RANBP17: variants seen among roughly 807,000 people sequenced by gnomAD.
The protein encoded by RANBP17 is ran-binding protein 17.
A neutral mutation model predicts 141.2 loss-of-function variants in RANBP17; 158 were observed. The observed-to-expected ratio is 1.12, with a 90% confidence interval of 0.98 to 1.28. The LOEUF (loss-of-function observed/expected upper bound fraction) is 1.28, where lower values mean the gene tolerates loss of function less well. RANBP17 is among the 50% of genes most tolerant of loss of function. RANBP17 has a pLI of 0.00. For missense variants in RANBP17, 1,438 were observed against 1,290.7 expected (o/e 1.11, Z -1.75); for synonymous variants, 430 against 450.0 (o/e 0.96, Z 0.56).
intron 14 of RANBP17, among the ~76,000 whole-genome samples, chr5:170,986,288 AGC>A (rs973002854): frequency 6.6e-6 from 1 of 152,022 alleles, no homozygotes; most frequent in Non-Finnish European, 1.5e-5. Context: ...CCTGAGTAAA[AGC>A]CTTGTTTATA....
chr5:171,190,369 C>A (rs1476044313), intron 18 of RANBP17, among the ~76,000 whole-genome samples: 3 of 152,174 alleles, frequency 2.0e-5, no homozygotes, highest in Middle Eastern at 6.8e-3. Context: ...TATCGGATTG[C>A]TTTAGCTAAA....
chr5:171,074,903 T>G (rs973657786), intron 14 of RANBP17, among the ~76,000 whole-genome samples: 1 of 152,188 alleles, frequency 6.6e-6, no homozygotes, highest in Non-Finnish European at 1.5e-5. Context: ...GTTGTTGTCT[T>G]CTCTGCTTTA....
chr5:171,269,411 C>T (rs1186576835), intron 25 of RANBP17, among the ~76,000 whole-genome samples: 1 of 152,096 alleles, frequency 6.6e-6, no homozygotes, highest in East Asian at 1.9e-4. Context: ...CTGGACTGAA[C>T]GGATGGCCAG....
chr5:171,036,267 G>C (rs565260673), intron 14 of RANBP17, among the ~76,000 whole-genome samples: 17 of 152,178 alleles, frequency 1.1e-4, no homozygotes, highest in African/African-American at 4.1e-4. Context: ...CCACTTATAA[G>C]TGATAACATG....
intron 14 of RANBP17, among the ~76,000 whole-genome samples, chr5:171,019,550 G>A (rs911966955): frequency 3.9e-5 from 6 of 152,136 alleles, no homozygotes; most frequent in African/African-American, 1.4e-4. Flanking sequence ...TTGCATAGCG[G>A]TGTTTATAGT....
chr5:171,262,292 G>T (rs1766384119), intron 24 of RANBP17, among the ~76,000 whole-genome samples: 1 of 152,294 alleles, frequency 6.6e-6, no homozygotes, highest in Non-Finnish European at 1.5e-5. Flanking sequence ...AAGGAAAAGA[G>T]AAAAGCAACC....
intron 14 of RANBP17, among the ~76,000 whole-genome samples, chr5:171,045,886 T>C (rs1782550266): frequency 6.6e-6 from 1 of 152,208 alleles, no homozygotes; most frequent in Non-Finnish European, 1.5e-5. Flanking sequence ...CCTCTGTCCC[T>C]AACACTTGGG....
intron 12 of RANBP17, among the ~76,000 whole-genome samples, chr5:170,948,969 C>G (rs1434650540): frequency 6.6e-6 from 1 of 151,952 alleles, no homozygotes; most frequent in Non-Finnish European, 1.5e-5. Flanking sequence ...CCTGGTCAAC[C>G]TAGTGAGACA....
chr5:170,945,353 T>G (rs1011977649), intron 12 of RANBP17, among the ~76,000 whole-genome samples: 1 of 152,186 alleles, frequency 6.6e-6, no homozygotes, highest in Non-Finnish European at 1.5e-5. Flanking sequence ...TGTTTTTTTG[T>G]AGGTATGATA....
intron 24 of RANBP17, chr5:171,251,810 G>A (rs1765584172): frequency 1.6e-6 from 2 of 1,212,488 alleles, no homozygotes; most frequent in African/African-American, 1.5e-5. Context: ...GGTGCTGGCC[G>A]GATGTAAATC....
At chr5:170,893,538 A>T (rs1769832637) in intron 4 of RANBP17, among the ~76,000 whole-genome samples, 1 of 152,220 alleles carries the variant, frequency 6.6e-6, no homozygotes, top group Non-Finnish European at 1.5e-5. Flanking sequence ...TCATGCCTGT[A>T]ATCCCAGCAC....
At chr5:171,146,974 A>G (rs1189961306) in intron 14 of RANBP17, among the ~76,000 whole-genome samples, 2 of 152,370 alleles carry the variant, frequency 1.3e-5, no homozygotes, top group Admixed American at 1.3e-4. Context: ...TAGTAATAGT[A>G]CTATCTTATG....
At chr5:171,013,631 C>A (rs370038831) in intron 14 of RANBP17, among the ~76,000 whole-genome samples, 46 of 151,658 alleles carry the variant, frequency 3.0e-4, no homozygotes, top group Non-Finnish European at 5.9e-4. Context: ...ATCTTTAAGC[C>A]TATCCTATCC....
intron 13 of RANBP17, among the ~76,000 whole-genome samples, chr5:170,953,931 G>T (rs72842823): frequency 0.05 from 7,673 of 152,206 alleles, 269 homozygotes; most frequent in South Asian, 0.076. Context: ...TGCAAATAAT[G>T]TGATAAAGAT....
intron 16 of RANBP17, among the ~76,000 whole-genome samples, chr5:171,171,632 A>C (rs983854707): frequency 6.6e-6 from 1 of 151,980 alleles, no homozygotes; most frequent in African/African-American, 2.4e-5. Flanking sequence ...TCCTAAAAGA[A>C]AGTATGTAAC....
At chr5:170,901,946 C>G (rs1272354867) in intron 5 of RANBP17, among the ~76,000 whole-genome samples, 4 of 152,110 alleles carry the variant, frequency 2.6e-5, no homozygotes, top group Admixed American at 2.6e-4. Flanking sequence ...CTCTGTCTGC[C>G]CTTAACATTT....
intron 1 of RANBP17, among the ~76,000 whole-genome samples, chr5:170,865,804 G>T (rs991763569): frequency 6.6e-6 from 1 of 152,252 alleles, no homozygotes; most frequent in South Asian, 2.1e-4. Context: ...AGAATTCACC[G>T]AAAGTTGTCA....
chr5:170,930,975 G>C (rs1440320879), intron 12 of RANBP17, among the ~76,000 whole-genome samples: 1 of 152,126 alleles, frequency 6.6e-6, no homozygotes, highest in Admixed American at 6.6e-5. Flanking sequence ...AGATCCTTGA[G>C]GAATTGCCAC....
chr5:171,203,784 A>C (rs1294697468), intron 19 of RANBP17, among the ~76,000 whole-genome samples: 3 of 152,196 alleles, frequency 2.0e-5, no homozygotes, highest in Middle Eastern at 3.2e-3. Flanking sequence ...TTGTTGACTA[A>C]TTTAGACTTA....
Sources: allele counts gnomAD v4.1 joint callset (sites outside exome capture counted in the v4.1 genomes callset), GRCh38; gene constraint gnomAD v4.1.1; transcripts MANE v1.5; gene names NCBI Gene and HGNC (gene_info 2026-07-23, HGNC 2026-07-21).